The following CARNS1 variants were observed in gnomAD, a reference collection of about 807,000 sequenced individuals.
The protein encoded by CARNS1 is carnosine synthase 1, also known as ATP-grasp domain containing 1.
Under a neutral mutation model 74.0 loss-of-function variants are expected in CARNS1, and 61 were observed. The observed-to-expected ratio is 0.82, with a 90% CI of 0.67 to 1.02. The LOEUF (loss-of-function observed/expected upper bound fraction) is 1.02. Among genes scored for constraint, CARNS1 ranks in the 50% least tolerant of loss-of-function variants. The pLI, the probability that CARNS1 is intolerant of heterozygous loss-of-function variation, is 0.00. For missense variants in CARNS1, 1,278 were observed against 1,308.4 expected, an observed-to-expected ratio of 0.98 and a Z score of 0.36; for synonymous variants, 568 against 605.5, an observed-to-expected ratio of 0.94 and a Z score of 0.91.
chr11:67,417,600 A>G lies in CARNS1; in HGVS notation c.197A>G (p.Tyr66Cys). 1.5e-6 allele frequency: 2 copies of G among 1,313,794 alleles called. No homozygotes were observed. Among genetic ancestry groups the G allele is most frequent in the Non-Finnish European group, 1.9e-6 (2 of 1,030,234 alleles). The allele number at this position is 1,313,794 out of a possible 1,614,324, so 81.4% of individuals were successfully genotyped here. The change falls in exon 3 of 10, where the codon TAC becomes TGC. Residue 66 changes from tyrosine (Y) to cysteine (C), a missense_variant. By Grantham distance (194) the Tyr-to-Cys change is radical. Around this residue, in one of 3 missense-constraint regions of CARNS1, gnomAD observed 104 missense variants for 127.3 expected, o/e 0.82. Coordinates refer to ENST00000687366, the MANE Select transcript of CARNS1 (RefSeq NM_001166222.2). The stretch of plus-strand genomic sequence containing the variant: ...GAGGCCCGGGCTTGGACTGTCTACT[A>G]CTACAGCCTCCTGCAGAGCTGTCTG... ...GAEARAWTVY[Y>C]YSLLQSCLQQ...
In CARNS1 at chr11:67,420,852, C is replaced by G. The variant is rs894999535; in HGVS notation, c.1345+12C>G. 1.6e-6 allele frequency: 2 copies of G among 1,261,112 alleles called. No homozygotes were observed. The highest frequency in any genetic ancestry group is 2.0e-6 in the Non-Finnish European group (2 of 1,005,756). The allele number at this position is 1,261,112 out of a possible 1,614,324, so 78.1% of individuals were successfully genotyped here. The stretch of plus-strand genomic sequence containing the variant: ...CACGGACTTCCTGGGTGAGTGAGGG[C>G]GGCCGGGGCCGGGGCCGGGAGCCGA... On this transcript the variant is annotated intron_variant, in intron 8 of 9. Coordinates refer to ENST00000687366, the MANE Select transcript of CARNS1 (RefSeq NM_001166222.2).
At chr11:67,417,253 C>T (rs1475309296) in intron 2 of CARNS1, 154 bp from the exon 3 acceptor site, 32 of 1,236,854 alleles carry the variant, frequency 2.6e-5, no homozygotes, top group South Asian at 4.0e-5. Context: ...AACAAGCCTT[C>T]GCCCCCAACA....
chr11:67,416,429 C>A, intron 2 of CARNS1: 2 of 1,384,512 alleles, frequency 1.4e-6, no homozygotes, highest in Non-Finnish European at 1.9e-6. Context: ...AGGGAGCTCA[C>A]CTTCTAGGAG....
chr11:67,424,970 C>T lies in CARNS1; in HGVS notation c.*369C>T, dbSNP rs1170722795. 2 of 516,568 alleles carry T rather than the reference C, an allele frequency of 3.9e-6. No individual in the cohort carries two copies. The highest frequency in any genetic ancestry group is 5.2e-5 in the East Asian group (1 of 19,174). The allele number at this position is 516,568 out of a possible 1,614,324, so 32.0% of individuals were successfully genotyped here. On this transcript the variant is annotated 3_prime_UTR_variant, in exon 10 of 10. Coordinates refer to ENST00000687366, the MANE Select transcript of CARNS1 (RefSeq NM_001166222.2). ...CCACCTCTCCAGGTCTCACTCTCTT[C>T]CTGCCATCTACAAGAGGAGAGGACC...
rs766432094 is a variant in CARNS1 at position 67,424,384 on chromosome 11, G to A, written c.2636G>A (p.Arg879His). The A allele has an allele frequency of 1.1e-5, 18 of 1,594,534 alleles. No homozygotes were observed. The highest frequency in any genetic ancestry group is 4.6e-5 in the East Asian group (2 of 43,880). The change falls in exon 10 of 10, where the codon CGT (arginine) becomes CAT (histidine). Residue 879 changes from arginine (R) to histidine (H), a missense_variant. This residue lies in a region of CARNS1 where 1,164 missense variants were observed against 1,156.5 expected (regional missense o/e 1.01). Coordinates refer to ENST00000687366, the MANE Select transcript of CARNS1 (RefSeq NM_001166222.2). ...HLQALSSTAS[R>H]ETLQALHDRG... Reference sequence around the variant, plus strand: ...CAGGCCCTGAGTTCCACCGCCAGCCGTGAGACCCTGCAGGCCCTGCACGAC... The same window carrying A: ...CAGGCCCTGAGTTCCACCGCCAGCCATGAGACCCTGCAGGCCCTGCACGAC...
rs375632692 is a variant in CARNS1, at chr11:67,423,499, G to A, written c.1751G>A (p.Arg584Gln). Residue 584 changes from arginine to glutamine, a missense_variant, in exon 10 of 10, where the codon CGG becomes CAG. Physicochemically the swap from Arg to Gln is conservative, Grantham distance 43. This residue lies in a region of CARNS1 where 1,164 missense variants were observed against 1,156.5 expected (regional missense o/e 1.01). Transcript: ENST00000687366. This position sits in a 1 kb window ranked among gnomAD's most constrained non-coding sequence, Gnocchi z 5.1. Reference sequence around the variant, plus strand: ...GCACGGCTGCTGGCAGAGTTGGTGCGGGCTCGCGGCCTCAAGCTAGATGGC... The same window carrying A: ...GCACGGCTGCTGGCAGAGTTGGTGCAGGCTCGCGGCCTCAAGCTAGATGGC... ...ENARLLAELV[R>Q]ARGLKLDGCF... The A allele has an allele frequency of 1.4e-5, 22 of 1,613,832 alleles. No individual in the cohort carries two copies. In the Admixed American group the frequency reaches 3.3e-4, roughly 24 times the overall value.
chr11:67,421,258 G>T, intron 9 of CARNS1, 39 bp downstream of exon 9: 1 of 1,426,596 alleles, frequency 7.0e-7, no homozygotes, highest in Non-Finnish European at 9.1e-7. Flanking sequence ...CCCAGGTCCT[G>T]GCCCGAGTGG....
chr11:67,425,448 T>G lies in CARNS1; in HGVS notation c.*847T>G, dbSNP rs1471069144. 9.6e-6 allele frequency: 2 copies of G among 208,998 alleles called. No homozygotes were observed. Among genetic ancestry groups the G allele is most frequent in the African/African-American group, 4.5e-5 (2 of 44,166 alleles). The allele number at this position is 208,998 out of a possible 1,614,324, so 12.9% of individuals were successfully genotyped here. ...ACCTTCTCCACCGAGCTTTGGTGCT[T>G]TGGCCTCTGGCACACCTAACTAGCA... On this transcript the variant is annotated 3_prime_UTR_variant, in exon 10 of 10. Coordinates refer to ENST00000687366, the MANE Select transcript of CARNS1 (RefSeq NM_001166222.2).
At position 67,419,188 on chromosome 11, in the gene CARNS1, T is replaced by A. The variant is rs1284927086; in HGVS notation, c.797T>A (p.Val266Glu). The A allele has an allele frequency of 1.3e-6, 2 of 1,521,902 alleles. No individual in the cohort carries two copies. Among genetic ancestry groups the A allele is most frequent in the Admixed American group, 4.2e-5 (2 of 47,704 alleles). 94.3% of individuals were successfully genotyped at this position (1,521,902 alleles called of 1,614,324 possible). ...LSGKEGQETLVKEEVEAFLRS... is the reference protein window; with the variant it reads ...LSGKEGQETLEKEEVEAFLRS... Reference sequence around the variant, plus strand: ...GGCAAAGAGGGCCAGGAGACGCTGGTGAAAGAGGAAGTGGAGGCTTTTCTG... The same window carrying A: ...GGCAAAGAGGGCCAGGAGACGCTGGAGAAAGAGGAAGTGGAGGCTTTTCTG... The change falls in exon 5 of 10, where the codon GTG becomes GAG. Residue 266 changes from valine (V) to glutamate (E), a missense_variant. Physicochemically the swap from Val to Glu is moderately radical, Grantham distance 121. Around this residue, in one of 3 missense-constraint regions of CARNS1, gnomAD observed 1,164 missense variants for 1,156.5 expected, o/e 1.01. Transcript: ENST00000687366.
At position 67,424,431 on chromosome 11, in the gene CARNS1, C is replaced by G; in HGVS notation, c.2683C>G (p.Leu895Val). The G allele has an allele frequency of 6.3e-7, 1 of 1,588,820 alleles. No homozygotes were observed. Among genetic ancestry groups the G allele is most frequent in the Non-Finnish European group, 8.6e-7 (1 of 1,168,412 alleles). ...LHDRGLLRLNLLEEALVPGEY... is the reference protein window; with the variant it reads ...LHDRGLLRLNVLEEALVPGEY... ...CGACCGTGGACTGCTACGCCTCAATCTGCTGGAGGAGGCCCTGGTGCCTGG... is the reference window on the plus strand; with the variant it reads ...CGACCGTGGACTGCTACGCCTCAATGTGCTGGAGGAGGCCCTGGTGCCTGG... The change falls in exon 10 of 10, where the codon CTG (leucine) becomes GTG (valine). Residue 895 changes from leucine (L) to valine (V), a missense_variant. Physicochemically the swap from Leu to Val is conservative, Grantham distance 32. This residue lies in a region of CARNS1 where 1,164 missense variants were observed against 1,156.5 expected (regional missense o/e 1.01). Coordinates refer to ENST00000687366, the MANE Select transcript of CARNS1 (RefSeq NM_001166222.2).
rs1359516874 is a variant in CARNS1 at position 67,423,286 on chromosome 11, C to A, written c.1627-89C>A. 1.4e-5 allele frequency: 18 copies of A among 1,332,858 alleles called. No individual in the cohort carries two copies. Among genetic ancestry groups the A allele is most frequent in the Non-Finnish European group, 1.9e-5 (18 of 965,346 alleles). 82.6% of individuals were successfully genotyped at this position (1,332,858 alleles called of 1,614,324 possible). ...CACCTAGTGTTTGTGTACTCGTATC[C>A]CCTGAAGGGGCCATCCTAGGCCCCA... On this transcript the variant is annotated intron_variant, in intron 9 of 9. Transcript: ENST00000687366. The surrounding 1 kb of genome is among the most constrained non-coding windows in gnomAD (Gnocchi z 5.1).
Position 67,417,479 on chromosome 11 carries a change from TG to T in CARNS1, c.80del (p.Gly27GlufsTer72). On this transcript the variant is annotated frameshift_variant, in exon 3 of 10. Coordinates refer to ENST00000687366, the MANE Select transcript of CARNS1 (RefSeq NM_001166222.2). LOFTEE classifies it high-confidence loss of function. Reference protein sequence around the residue: ...GSKDLEEEGPWGGGSGLPPTG... With the variant: ...GSKDLEEEGPXGGGSGLPPTG... ...CAAGGACCTGGAGGAAGAGGGCCCC[TG>T]GGGAGGGGGCTCTGGCCTGCCGCCC... The T allele has an allele frequency of 6.9e-7, 1 of 1,451,748 alleles. No individual in the cohort carries two copies. Among genetic ancestry groups the T allele is most frequent in the Non-Finnish European group, 9.0e-7 (1 of 1,105,010 alleles). The allele number at this position is 1,451,748 out of a possible 1,614,324, so 89.9% of individuals were successfully genotyped here.
chr11:67,419,517 C>G lies in CARNS1; in HGVS notation c.883C>G (p.Arg295Gly), dbSNP rs570844079. The G allele has an allele frequency of 1.2e-6, 2 of 1,610,210 alleles. No individual in the cohort carries two copies. The highest frequency in any genetic ancestry group is 1.3e-5 in the African/African-American group (1 of 75,018). Residue 295 changes from arginine to glycine, a missense_variant, in exon 6 of 10, where the codon CGG (arginine) becomes GGG (glycine). By Grantham distance (125) the Arg-to-Gly change is moderately radical (BLOSUM62 -2). Around this residue, in one of 3 missense-constraint regions of CARNS1, gnomAD observed 1,164 missense variants for 1,156.5 expected, o/e 1.01. Coordinates refer to ENST00000687366, the MANE Select transcript of CARNS1 (RefSeq NM_001166222.2). The part of the protein sequence containing the change: ...VAVKLSGWRW[R>G]GRQAWRLHPR... The stretch of plus-strand genomic sequence containing the variant: ...TGTGAAGCTCAGTGGCTGGCGCTGG[C>G]GGGGGCGGCAGGCATGGCGTCTGCA...
In CARNS1 at chr11:67,421,232, C is replaced by A; in HGVS notation, c.1626+13C>A. ...CTACGGGCTCCAGGTGGGCGGGGCG[C>A]GGGGCGGGGCTGGGCCCCAGGTCCT... On this transcript the variant is annotated intron_variant, in intron 9 of 9. Coordinates refer to ENST00000687366, the MANE Select transcript of CARNS1 (RefSeq NM_001166222.2). The A allele has an allele frequency of 5.1e-6, 7 of 1,360,488 alleles. No individual in the cohort carries two copies. Among genetic ancestry groups the A allele is most frequent in the East Asian group, 7.9e-5 (2 of 25,190 alleles). 84.3% of individuals were successfully genotyped at this position (1,360,488 alleles called of 1,614,324 possible).
At chr11:67,419,701 GTGGCCTTCTGGCCACTCTGTGC>G in intron 6 of CARNS1, 30 bp from the exon 7 acceptor site, 1 of 1,588,052 alleles carries the variant, frequency 6.3e-7, no homozygotes, top group Non-Finnish European at 8.6e-7. Flanking sequence ...GGAGTTTGGT[GTGGCCTTCTGGCCACTCTGTGC>G]TGGCCTTAGA....
At chr11:67,420,216 G>C (rs994059316) in intron 7 of CARNS1, among the ~76,000 whole-genome samples, 7 of 152,158 alleles carry the variant, frequency 4.6e-5, no homozygotes, top group African/African-American at 1.2e-4. Flanking sequence ...GAAGGCTTAC[G>C]GACCCTCCTG....
chr11:67,423,660 C>G lies in CARNS1; in HGVS notation c.1912C>G (p.His638Asp), dbSNP rs1360622147. 2 of 1,604,390 alleles carry G rather than the reference C, an allele frequency of 1.2e-6. No homozygotes were observed. Among genetic ancestry groups the G allele is most frequent in the African/African-American group, 1.3e-5 (1 of 74,878 alleles). ...CACCCAGCTGCACCTGTTGCACCAC[C>G]ATGGCCCACCCTGGCCTGCGCCCTC... ...SLTQLHLLHH[H>D]GPPWPAPSLH... The change falls in exon 10 of 10, where the codon CAT becomes GAT. Residue 638 changes from histidine (H) to aspartate (D), a missense_variant. By Grantham distance (81) the His-to-Asp change is moderately conservative. This residue lies in a region of CARNS1 where 1,164 missense variants were observed against 1,156.5 expected (regional missense o/e 1.01). Transcript: ENST00000687366. The surrounding 1 kb of genome is among the most constrained non-coding windows in gnomAD (Gnocchi z 5.1).
In CARNS1 at chr11:67,425,354, C is replaced by T; in HGVS notation, c.*753C>T. 2 of 320,390 alleles carry T rather than the reference C, an allele frequency of 6.2e-6. No individual in the cohort carries two copies. Among genetic ancestry groups the T allele is most frequent in the Non-Finnish European group, 1.2e-5 (2 of 160,758 alleles). The allele number at this position is 320,390 out of a possible 1,614,324, so 19.8% of individuals were successfully genotyped here. A position where few individuals can be genotyped will look rare whatever the true frequency, so the allele number is the denominator to read the frequency against. On this transcript the variant is annotated 3_prime_UTR_variant, in exon 10 of 10. Transcript: ENST00000687366. The stretch of plus-strand genomic sequence containing the variant: ...CATGCCCATTCAGCTTCTAGGCCCC[C>T]CTCACCTCCCTGCCCTCATTCACAA...
At chr11:67,416,786 G>C in intron 2 of CARNS1, 1 of 986,334 alleles carries the variant, frequency 1.0e-6, no homozygotes, top group Non-Finnish European at 1.2e-6. Flanking sequence ...AGGGACGTTA[G>C]GTTTCATCCA....
Sources: allele counts gnomAD v4.1 joint callset (sites outside exome capture counted in the v4.1 genomes callset), GRCh38; gene constraint gnomAD v4.1.1; regional missense constraint gnomAD v4.1.1; non-coding constraint Gnocchi (gnomAD v3.1); transcripts MANE v1.5; gene names NCBI Gene and HGNC (gene_info 2026-07-23, HGNC 2026-07-21).